The following HHIPL1 variants were observed in gnomAD, a reference collection of about 807,000 sequenced individuals.
HHIPL1 encodes HHIP like 1.
A neutral mutation model predicts 61.8 loss-of-function variants in HHIPL1; 43 were observed. The ratio of observed to expected loss-of-function variants is 0.70; its 90% confidence interval spans 0.55 to 0.90. HHIPL1 has a LOEUF of 0.90. Among genes scored for constraint, HHIPL1 ranks in the 40% least tolerant of loss-of-function variants. The pLI, the probability that HHIPL1 is intolerant of heterozygous loss-of-function variation, is 0.00. For synonymous variants in HHIPL1, 482 were observed against 515.8 expected (o/e 0.93, Z 0.89); for missense variants, 1,056 against 1,157.7 (o/e 0.91, Z 1.28).
upstream of HHIPL1, among the ~76,000 whole-genome samples, chr14:99,644,450 G>A (rs1357481752): frequency 8.5e-6 from 1 of 117,934 alleles, no homozygotes; most frequent in African/African-American, 3.3e-5. Context: ...GCGTGTGTGC[G>A]TCTGTATGTG....
At chr14:99,648,591 T>A (rs2055877936) in intron 1 of HHIPL1, among the ~76,000 whole-genome samples, 1 of 152,208 alleles carries the variant, frequency 6.6e-6, no homozygotes, top group Non-Finnish European at 1.5e-5. Flanking sequence ...GACGGAGCAG[T>A]GACTGCTGTA....
chr14:99,617,601 G>A, the HHIPL1 span, among the ~76,000 whole-genome samples: 57 of 152,298 alleles, frequency 3.7e-4, no homozygotes, highest in African/African-American at 1.2e-3. Flanking sequence ...TTTACCCTAA[G>A]AGCATGCATT....
Position 99,668,391 on chromosome 14 carries a change from G to T in HHIPL1, c.1730+88G>T, listed in dbSNP as rs904603040. The T allele has an allele frequency of 5.5e-5, 45 of 811,382 alleles. 1 individual carries two copies. In the Admixed American group the frequency reaches 8.0e-4, roughly 14 times the overall value. The allele number at this position is 811,382 out of a possible 1,614,324, so 50.3% of individuals were successfully genotyped here. ...CTTGTCCCCTCCGCCTCGCCCTCAG[G>T]TGGGTGGTATTAATCCCCATTTTCA... On this transcript the variant is annotated intron_variant, in intron 7 of 8. Coordinates refer to ENST00000330710, the MANE Select transcript of HHIPL1 (RefSeq NM_001127258.3). This position sits in a 1 kb window ranked among gnomAD's most constrained non-coding sequence, Gnocchi z 4.7.
At position 99,668,984 on chromosome 14, in the gene HHIPL1, C is replaced by T; in HGVS notation, c.1730+681C>T. 1 of 1,568,726 alleles carries T rather than the reference C, an allele frequency of 6.4e-7. No individual in the cohort carries two copies. Among genetic ancestry groups the T allele is most frequent in the Non-Finnish European group, 8.6e-7 (1 of 1,156,528 alleles). On this transcript the variant is annotated intron_variant, in intron 7 of 8. Transcript: ENST00000330710. The surrounding 1 kb of genome is among the most constrained non-coding windows in gnomAD (Gnocchi z 4.7). ...CCCAGGGCCAGGGTGGGGCCCAGGC[C>T]ACTGGCTCCAGAGCCCTGCCCTAAC...
At chr14:99,638,221 T>C in the HHIPL1 span, among the ~76,000 whole-genome samples, 19 of 152,230 alleles carry the variant, frequency 1.2e-4, 1 homozygote, top group African/African-American at 4.3e-4. Flanking sequence ...TCCCCAGCAC[T>C]CACGAGATGG....
At chr14:99,664,282 T>C (rs1180555922) in intron 6 of HHIPL1, among the ~76,000 whole-genome samples, 1 of 152,134 alleles carries the variant, frequency 6.6e-6, no homozygotes, top group Non-Finnish European at 1.5e-5. Flanking sequence ...GGGAAACCTT[T>C]GTTGAACCGT....
chr14:99,647,590 A>G (rs1176688546), intron 1 of HHIPL1, among the ~76,000 whole-genome samples: 1 of 152,204 alleles, frequency 6.6e-6, no homozygotes, highest in Non-Finnish European at 1.5e-5. Flanking sequence ...CGTCTCTGAG[A>G]GTGACCTCAT....
At chr14:99,646,317 G>A (rs1398001304) in intron 1 of HHIPL1, among the ~76,000 whole-genome samples, 1 of 152,272 alleles carries the variant, frequency 6.6e-6, no homozygotes, top group Non-Finnish European at 1.5e-5. Flanking sequence ...AGAGGCCTGG[G>A]GTGGAGAGGC....
At chr14:99,639,328 C>T in the HHIPL1 span, among the ~76,000 whole-genome samples, 6 of 152,162 alleles carry the variant, frequency 3.9e-5, no homozygotes, top group East Asian at 9.6e-4. Flanking sequence ...TATAGTTGGG[C>T]CTTGGTTGTT....
intron 8 of HHIPL1, among the ~76,000 whole-genome samples, chr14:99,674,428 G>A (rs1298006631): frequency 6.6e-6 from 1 of 152,078 alleles, no homozygotes; most frequent in Non-Finnish European, 1.5e-5. Flanking sequence ...TCTGTGGTGG[G>A]GTATAGGGGC....
rs780158123 is a variant in HHIPL1, at chr14:99,652,623, T to C, written c.655T>C (p.Trp219Arg). Reference protein sequence around the residue: ...FFVAEQVGLVWAYLPDRSRLG... With the variant: ...FFVAEQVGLVRAYLPDRSRLG... ...CGTGGCCGAGCAGGTGGGGCTGGTG[T>C]GGGCCTACCTGCCCGACCGCTCGAG... is the stretch of plus-strand genomic sequence containing the variant. The change falls in exon 2 of 9, where the codon TGG becomes CGG. Residue 219 changes from tryptophan to arginine, a missense_variant. Trp to Arg is a moderately radical substitution (Grantham distance 101, BLOSUM62 -3). Coordinates refer to ENST00000330710, the MANE Select transcript of HHIPL1 (RefSeq NM_001127258.3). The C allele has an allele frequency of 1.2e-6, 2 of 1,613,406 alleles. No individual in the cohort carries two copies. Among genetic ancestry groups the C allele is most frequent in the Non-Finnish European group, 1.7e-6 (2 of 1,179,814 alleles).
At chr14:99,621,027 A>G in the HHIPL1 span, among the ~76,000 whole-genome samples, 74,278 of 152,198 alleles carry the variant, frequency 0.49, 19,430 homozygotes, top group South Asian at 0.68. Flanking sequence ...TCACAGAGGT[A>G]TAGAGGAAGT....
chr14:99,658,980 G>A (rs1391203595), intron 3 of HHIPL1, among the ~76,000 whole-genome samples: 1 of 152,146 alleles, frequency 6.6e-6, no homozygotes, highest in Non-Finnish European at 1.5e-5. Flanking sequence ...TTACAGTTGA[G>A]GACACCAAGA....
chr14:99,611,218 C>T, the HHIPL1 span, among the ~76,000 whole-genome samples: 1 of 152,156 alleles, frequency 6.6e-6, no homozygotes, highest in Non-Finnish European at 1.5e-5. Flanking sequence ...CAGCCTTAAC[C>T]TCCCAGACTC....
the HHIPL1 span, among the ~76,000 whole-genome samples, chr14:99,632,282 C>T: frequency 6.6e-6 from 1 of 152,206 alleles, no homozygotes; most frequent in African/African-American, 2.4e-5. Flanking sequence ...AATCTTCTTA[C>T]CTGCACTCTC....
chr14:99,634,150 A>G, the HHIPL1 span, among the ~76,000 whole-genome samples: 1 of 152,090 alleles, frequency 6.6e-6, no homozygotes, highest in Non-Finnish European at 1.5e-5. Flanking sequence ...CTGAGCTCAG[A>G]GTGTGTAGAC....
intron 2 of HHIPL1, 54 bp from the exon 3 acceptor site, chr14:99,656,946 G>A (rs2056056075): frequency 6.7e-7 from 1 of 1,490,966 alleles, no homozygotes; most frequent in East Asian, 2.5e-5. Flanking sequence ...CTTGTTTTGT[G>A]TGTTTGGCTC....
At chr14:99,645,532 C>A in intron 1 of HHIPL1, 70 bp downstream of exon 1, 1 of 1,233,790 alleles carries the variant, frequency 8.1e-7, no homozygotes, top group South Asian at 3.5e-5. Context: ...AGATCGGAAC[C>A]CCGCGGGGGC....
intron 2 of HHIPL1, among the ~76,000 whole-genome samples, chr14:99,654,623 A>G (rs1347666558): frequency 6.6e-6 from 1 of 152,234 alleles, no homozygotes; most frequent in East Asian, 1.9e-4. Context: ...AAAGAACAGC[A>G]CATTGTGTGT....
Sources: gnomAD v4.1 joint callset for allele counts (sites outside exome capture counted in the v4.1 genomes callset) on GRCh38, gnomAD v4.1.1 for gene constraint, Gnocchi (gnomAD v3.1) non-coding constraint, MANE v1.5 for transcripts, NCBI Gene and HGNC (gene_info 2026-07-23, HGNC 2026-07-21) for gene names.